The following MALRD1 variants were observed in gnomAD, a reference collection of about 807,000 sequenced individuals.
MALRD1 encodes the protein MAM and LDL-receptor class A domain-containing protein 1.
A neutral mutation model predicts 242.1 loss-of-function variants in MALRD1; 247 were observed. That is an observed-to-expected ratio of 1.02 (90% CI 0.92 to 1.13). The LOEUF (loss-of-function observed/expected upper bound fraction) is 1.13, where lower values mean the gene tolerates loss of function less well. Among genes scored for constraint, MALRD1 ranks in the 50% most tolerant of loss-of-function variants. The pLI, the probability that MALRD1 is intolerant of heterozygous loss-of-function variation, is 0.00. For missense variants in MALRD1, 2,989 were observed against 2,533.1 expected, an observed-to-expected ratio of 1.18 and a Z score of -3.86; for synonymous variants, 995 against 866.6, an observed-to-expected ratio of 1.15 and a Z score of -2.60.
At chr10:19,466,670 T>C (rs1433874074) in intron 29 of MALRD1, among the ~76,000 whole-genome samples, 2 of 152,188 alleles carry the variant, frequency 1.3e-5, no homozygotes, top group African/African-American at 4.8e-5. Flanking sequence ...GTATTCCTTA[T>C]TGGAAATCCT....
intron 28 of MALRD1, among the ~76,000 whole-genome samples, chr10:19,440,806 G>A (rs565185110): frequency 1.7e-4 from 26 of 152,224 alleles, no homozygotes; most frequent in Middle Eastern, 6.8e-3. Flanking sequence ...ATAAACATAC[G>A]TGTGCATGTG....
At chr10:19,366,594 A>G (rs1588971948) in intron 26 of MALRD1, among the ~76,000 whole-genome samples, 1 of 151,810 alleles carries the variant, frequency 6.6e-6, no homozygotes, top group African/African-American at 2.4e-5. Flanking sequence ...ATATTGTTCT[A>G]TTGTTTACTT....
chr10:19,268,183 T>C (rs1164849500), intron 19 of MALRD1, among the ~76,000 whole-genome samples: 1 of 127,158 alleles, frequency 7.9e-6, no homozygotes, highest in Admixed American at 8.6e-5. Flanking sequence ...AGATGGAAAA[T>C]GTCATTGAAT....
At chr10:19,585,547 A>G (rs1431028587) in intron 33 of MALRD1, among the ~76,000 whole-genome samples, 2 of 152,068 alleles carry the variant, frequency 1.3e-5, no homozygotes, top group Admixed American at 1.3e-4. Context: ...AATGTTGAAT[A>G]TTGGCCCCCA....
chr10:19,433,706 A>T (rs1000908723), intron 28 of MALRD1, among the ~76,000 whole-genome samples: 4 of 152,180 alleles, frequency 2.6e-5, no homozygotes, highest in Non-Finnish European at 4.4e-5. Context: ...ATGGAGAAAA[A>T]AAAATGAACA....
intron 24 of MALRD1, among the ~76,000 whole-genome samples, chr10:19,341,358 C>T (rs1292292051): frequency 6.6e-6 from 1 of 151,248 alleles, no homozygotes; most frequent in South Asian, 2.1e-4. Flanking sequence ...TACACATGTC[C>T]TGTTGTGGAG....
At chr10:19,073,909 G>A (rs1032416799) in intron 2 of MALRD1, among the ~76,000 whole-genome samples, 31 of 152,084 alleles carry the variant, frequency 2.0e-4, no homozygotes, top group Admixed American at 1.8e-3. Flanking sequence ...ACTCCAGAAA[G>A]CGAAAGAGCA....
intron 38 of MALRD1, among the ~76,000 whole-genome samples, chr10:19,721,221 T>C (rs1834733520): frequency 6.6e-6 from 1 of 152,188 alleles, no homozygotes; most frequent in Non-Finnish European, 1.5e-5. Context: ...ATTGGAATGC[T>C]ATATTATATT....
At chr10:19,182,858 G>T (rs751257958) in intron 14 of MALRD1, among the ~76,000 whole-genome samples, 2 of 152,056 alleles carry the variant, frequency 1.3e-5, no homozygotes, top group Non-Finnish European at 2.9e-5. Flanking sequence ...AGAAGTTTAA[G>T]GAGTGAATGT....
At chr10:19,730,632 C>G (rs1025170624) in intron 38 of MALRD1, 74 bp from the exon 39 acceptor site, 14 of 1,428,942 alleles carry the variant, frequency 9.8e-6, no homozygotes, top group Non-Finnish European at 1.2e-5. Context: ...AAGTTTCTAA[C>G]AAACAATAAC....
intron 18 of MALRD1, among the ~76,000 whole-genome samples, chr10:19,243,699 A>C (rs2131754656): frequency 6.6e-6 from 1 of 152,280 alleles, no homozygotes; most frequent in East Asian, 1.9e-4. Flanking sequence ...ACCTCTCAGC[A>C]TACACCTGAT....
chr10:19,469,272 A>AT (rs1249741479), intron 29 of MALRD1, among the ~76,000 whole-genome samples: 1 of 152,210 alleles, frequency 6.6e-6, no homozygotes, highest in African/African-American at 2.4e-5. Flanking sequence ...TCTTTGGGAA[A>AT]TTTTTTATGT....
At chr10:19,396,644 C>T (rs1846593234) in intron 28 of MALRD1, among the ~76,000 whole-genome samples, 1 of 152,174 alleles carries the variant, frequency 6.6e-6, no homozygotes, top group Admixed American at 6.5e-5. Context: ...TCAACTTCTG[C>T]TATTAGAATT....
intron 28 of MALRD1, among the ~76,000 whole-genome samples, chr10:19,410,408 A>G (rs927190172): frequency 6.6e-6 from 1 of 152,178 alleles, no homozygotes; most frequent in Non-Finnish European, 1.5e-5. Context: ...CATTTTTCTC[A>G]CTACTTAAAA....
intron 1 of MALRD1, among the ~76,000 whole-genome samples, chr10:19,059,373 A>T (rs1041715255): frequency 6.6e-6 from 1 of 151,796 alleles, no homozygotes; most frequent in Non-Finnish European, 1.5e-5. Flanking sequence ...CTAAAATAGC[A>T]TCTATTGTTT....
intron 33 of MALRD1, among the ~76,000 whole-genome samples, chr10:19,573,958 G>A (rs772233167): frequency 8.5e-5 from 13 of 152,168 alleles, no homozygotes; most frequent in Middle Eastern, 3.4e-3. Context: ...ATAGACCTTC[G>A]GAGAGTGAAT....
chr10:19,314,461 A>G (rs1842553198), intron 21 of MALRD1, among the ~76,000 whole-genome samples: 1 of 151,658 alleles, frequency 6.6e-6, no homozygotes, highest in Non-Finnish European at 1.5e-5. Context: ...GGAGGCATAG[A>G]GAAATGAAAA....
rs1445665495 is a variant in MALRD1, at chr10:19,515,149, C to T, written c.5321-16045C>T. The stretch of plus-strand genomic sequence containing the variant: ...ACTTTATACTTTATAGCTTTTCTTA[C>T]CAAAAGCATAGCTTACCATCTTTAT... On this transcript the variant is annotated intron_variant, in intron 31 of 39. Coordinates refer to ENST00000454679, the MANE Select transcript of MALRD1 (RefSeq NM_001142308.3). Among the ~76,000 whole-genome samples the T allele has an allele frequency of 3.3e-5, 5 of 151,928 alleles. No homozygotes were observed. In the South Asian group the frequency reaches 1.0e-3, roughly 32 times the overall value.
intron 8 of MALRD1, among the ~76,000 whole-genome samples, chr10:19,130,158 G>A (rs1224557051): frequency 6.6e-6 from 1 of 151,926 alleles, no homozygotes; most frequent in Non-Finnish European, 1.5e-5. Flanking sequence ...ACGTGTGGGG[G>A]GAGGAAGAAA....
Sources: gnomAD v4.1 joint callset for allele counts (sites outside exome capture counted in the v4.1 genomes callset) on GRCh38, gnomAD v4.1.1 for gene constraint, MANE v1.5 for transcripts, NCBI Gene and HGNC (gene_info 2026-07-23, HGNC 2026-07-21) for gene names.